RAP2A: variants seen among roughly 807,000 people sequenced by gnomAD.
RAP2A encodes ras-related protein Rap-2a.
RAP2A carries 5 observed loss-of-function variants against 15.1 expected under a neutral mutation model. The ratio of observed to expected loss-of-function variants is 0.33; its 90% confidence interval spans 0.17 to 0.70. RAP2A has a LOEUF of 0.70. Among genes scored for constraint, RAP2A ranks in the 30% least tolerant of loss-of-function variants. The pLI is 0.68. For synonymous variants in RAP2A, 110 were observed against 99.7 expected (o/e 1.10, Z -0.62); for missense variants, 111 against 240.3 (o/e 0.46, Z 3.56).
chr13:97,442,323 A>G (rs767144540), intron 1 of RAP2A, among the ~76,000 whole-genome samples: 1 of 152,114 alleles, frequency 6.6e-6, no homozygotes, highest in Non-Finnish European at 1.5e-5. Context: ...TTATTTCTCT[A>G]ATACATTTAA....
chr13:97,451,987 T>C (rs1263447079), intron 1 of RAP2A, among the ~76,000 whole-genome samples: 1 of 151,308 alleles, frequency 6.6e-6, no homozygotes, highest in Non-Finnish European at 1.5e-5. Flanking sequence ...TGGATTATCT[T>C]TTTTTATAAT....
At position 97,434,418 on chromosome 13, in the gene RAP2A, C is replaced by G; in HGVS notation, c.-53C>G. The G allele has an allele frequency of 7.9e-7, 1 of 1,268,392 alleles. No individual in the cohort carries two copies. Among genetic ancestry groups the G allele is most frequent in the Non-Finnish European group, 1.0e-6 (1 of 999,100 alleles). The allele number at this position is 1,268,392 out of a possible 1,614,324, so 78.6% of individuals were successfully genotyped here. A position where few individuals can be genotyped will look rare whatever the true frequency, so the allele number is the denominator to read the frequency against. ...GCCGGGGCTGGGGGCGCAGCGCGGC[C>G]GGCGTAGGTCTATGTCGCGGGCGGC... is the stretch of plus-strand genomic sequence containing the variant. On this transcript the variant is annotated 5_prime_UTR_variant, in exon 1 of 2. Coordinates refer to ENST00000245304, the MANE Select transcript of RAP2A (RefSeq NM_021033.7).
At chr13:97,457,751 A>C (rs1341492031) in intron 1 of RAP2A, among the ~76,000 whole-genome samples, 1 of 152,192 alleles carries the variant, frequency 6.6e-6, no homozygotes, top group East Asian at 1.9e-4. Context: ...GATAGATATC[A>C]AAATAGTTAT....
intron 1 of RAP2A, among the ~76,000 whole-genome samples, chr13:97,445,410 A>G (rs2066675452): frequency 6.6e-6 from 1 of 152,240 alleles, no homozygotes; most frequent in Non-Finnish European, 1.5e-5. Context: ...ACATAGATAC[A>G]TGAAAGCTAA....
rs549040565 is a variant in RAP2A, at chr13:97,466,918, GT to G, written c.*2479del. The G allele has an allele frequency of 5.3e-5, 8 of 152,316 alleles. No homozygotes were observed. The East Asian group carries it at 1.5e-3, about 29-fold the overall frequency. 9.4% of individuals were successfully genotyped at this position (152,316 alleles called of 1,614,324 possible). A position where few individuals can be genotyped will look rare whatever the true frequency, so the allele number is the denominator to read the frequency against. On this transcript the variant is annotated 3_prime_UTR_variant, in exon 2 of 2. Transcript: ENST00000245304. ...TATAACTCAGCTGGCAAATGAATGT[GT>G]TTGTTGAGATATTACAGTAATAAAA... is the stretch of plus-strand genomic sequence containing the variant.
At chr13:97,463,799 T>TA (rs2066758626) in intron 1 of RAP2A, among the ~76,000 whole-genome samples, 1 of 152,184 alleles carries the variant, frequency 6.6e-6, no homozygotes, top group Admixed American at 6.5e-5. Flanking sequence ...TAGAACATAG[T>TA]AAAATGCTGA....
At chr13:97,436,668 A>G (rs1244736610) in intron 1 of RAP2A, among the ~76,000 whole-genome samples, 1 of 152,214 alleles carries the variant, frequency 6.6e-6, no homozygotes, top group Admixed American at 6.5e-5. Flanking sequence ...AGGTTAGTCT[A>G]AACTCAGCAT....
At chr13:97,450,590 T>A (rs957650044) in intron 1 of RAP2A, among the ~76,000 whole-genome samples, 7 of 152,158 alleles carry the variant, frequency 4.6e-5, no homozygotes, top group African/African-American at 1.7e-4. Context: ...AGCTACACAT[T>A]CAAGTATCAA....
At chr13:97,459,400 GAGTC>G (rs1261821490) in intron 1 of RAP2A, among the ~76,000 whole-genome samples, 2 of 140,930 alleles carry the variant, frequency 1.4e-5, no homozygotes, top group East Asian at 3.9e-4. Flanking sequence ...CTAAATAACA[GAGTC>G]AGCCCTCTAA....
At chr13:97,437,366 G>A (rs919936274) in intron 1 of RAP2A, 1 of 151,950 alleles carries the variant, frequency 6.6e-6, no homozygotes, top group African/African-American at 2.4e-5. Flanking sequence ...GGTCTAAGGT[G>A]TATATGATTT....
At chr13:97,434,832 G>A in intron 1 of RAP2A, 48 bp downstream of exon 1, 1 of 1,599,910 alleles carries the variant, frequency 6.3e-7, no homozygotes, top group Non-Finnish European at 8.5e-7. Flanking sequence ...CGGAGTCACC[G>A]TCCCGGGGCT....
At chr13:97,449,464 A>T (rs1168047543) in intron 1 of RAP2A, among the ~76,000 whole-genome samples, 2 of 152,154 alleles carry the variant, frequency 1.3e-5, no homozygotes, top group Non-Finnish European at 2.9e-5. Flanking sequence ...CCCTGTAATC[A>T]CTACTGGACT....
chr13:97,462,034 A>T (rs933487104), intron 1 of RAP2A, among the ~76,000 whole-genome samples: 1 of 129,872 alleles, frequency 7.7e-6, no homozygotes, highest in Admixed American at 7.4e-5. Context: ...TTATATATTT[A>T]TATATATTTA....
chr13:97,454,559 C>G (rs1347175087), intron 1 of RAP2A, among the ~76,000 whole-genome samples: 1 of 151,156 alleles, frequency 6.6e-6, no homozygotes, highest in Non-Finnish European at 1.5e-5. Context: ...GAGCTTACAA[C>G]CATGTAGGTC....
chr13:97,448,558 T>C (rs1389464184), intron 1 of RAP2A, among the ~76,000 whole-genome samples: 1 of 152,196 alleles, frequency 6.6e-6, no homozygotes, highest in African/African-American at 2.4e-5. Context: ...ATAAGGAACC[T>C]GAGGCTCAGA....
At chr13:97,461,971 A>AAAATATATATAT (rs1555326904) in intron 1 of RAP2A, among the ~76,000 whole-genome samples, 1 of 142,064 alleles carries the variant, frequency 7.0e-6, no homozygotes, top group Admixed American at 7.1e-5. Context: ...TCAAAAAAAA[A>AAAATATATATAT]ATATATATAT....
chr13:97,445,386 A>G (rs1444540168), intron 1 of RAP2A, among the ~76,000 whole-genome samples: 1 of 152,238 alleles, frequency 6.6e-6, no homozygotes. Context: ...ACATACATAC[A>G]TACATGCATA....
intron 1 of RAP2A, among the ~76,000 whole-genome samples, chr13:97,458,857 C>T (rs2066734937): frequency 6.7e-6 from 1 of 149,412 alleles, no homozygotes; most frequent in East Asian, 2.0e-4. Flanking sequence ...GGTGAGAAGC[C>T]CATTAACATT....
rs1402483674 is a variant in RAP2A at position 97,464,939 on chromosome 13, C to G, written c.*497C>G. ...ATTCCGTCAAGTAAGATAATAACAGCTGACCTGCCAACAGCATTACAGGGA... is the reference window on the plus strand; with the variant it reads ...ATTCCGTCAAGTAAGATAATAACAGGTGACCTGCCAACAGCATTACAGGGA... On this transcript the variant is annotated 3_prime_UTR_variant, in exon 2 of 2. Transcript: ENST00000245304. 6.5e-6 allele frequency: 1 copy of G among 153,738 alleles called. No homozygotes were observed. The highest frequency in any genetic ancestry group is 1.4e-5 in the Non-Finnish European group (1 of 69,090). 9.5% of individuals were successfully genotyped at this position (153,738 alleles called of 1,614,324 possible).
Sources: allele counts gnomAD v4.1 joint callset (sites outside exome capture counted in the v4.1 genomes callset), GRCh38; gene constraint gnomAD v4.1.1; transcripts MANE v1.5; gene names NCBI Gene and HGNC (gene_info 2026-07-23, HGNC 2026-07-21).